Variants in TLN2 observed in about 807,000 individuals in gnomAD.
TLN2 encodes the protein talin-2.
Under a neutral mutation model 294.7 loss-of-function variants are expected in TLN2, and 118 were observed. That is an observed-to-expected ratio of 0.40 (90% CI 0.34 to 0.47). The LOEUF is 0.47. Ranked by LOEUF, TLN2 falls within the 20% of genes least tolerant of loss-of-function variation. The pLI, the probability that TLN2 is intolerant of heterozygous loss-of-function variation, is 0.84. For missense variants in TLN2, 3,083 were observed against 3,282.2 expected, an observed-to-expected ratio of 0.94 and a Z score of 1.48; for synonymous variants, 1,431 against 1,304.5, an observed-to-expected ratio of 1.10 and a Z score of -2.09.
chr15:62,579,665 G>A (rs898447453), intron 1 of TLN2, among the ~76,000 whole-genome samples: 6 of 152,126 alleles, frequency 3.9e-5, no homozygotes, highest in African/African-American at 1.4e-4. Context: ...TGAAGAGGAT[G>A]CCCCTCCTTC....
At position 62,570,903 on chromosome 15, in the gene TLN2, CTGTGTGTGTGTGTGTGTGTGTG is replaced by C. The variant is rs58523803; in HGVS notation, c.-237-18764_-237-18743del. Among the ~76,000 whole-genome samples the C allele has an allele frequency of 2.0e-4, 29 of 143,918 alleles. 1 individual carries two copies. The highest frequency in any genetic ancestry group is 1.8e-3 in the Admixed American group (26 of 14,386). The allele number at this position is 143,918 out of a possible 152,430, so 94.4% of individuals were successfully genotyped here. ...GGAAGAAGCTTCCATGCACAGGCAT[CTGTGTGTGTGTGTGTGTGTGTG>C]TGTGTGTGTGTGTGTGTGTAGGGAG... On this transcript the variant is annotated intron_variant, in intron 1 of 58. Coordinates refer to ENST00000636159, the MANE Select transcript of TLN2 (RefSeq NM_015059.3).
intron 1 of TLN2, among the ~76,000 whole-genome samples, chr15:62,432,433 G>A (rs1340560922): frequency 6.6e-6 from 1 of 152,144 alleles, no homozygotes; most frequent in African/African-American, 2.4e-5. Flanking sequence ...ACTCCTGCAA[G>A]TGCTTTTATA....
At chr15:62,589,280 G>A (rs549172174) in intron 1 of TLN2, among the ~76,000 whole-genome samples, 2 of 152,280 alleles carry the variant, frequency 1.3e-5, no homozygotes, top group Admixed American at 6.5e-5. Flanking sequence ...TGTTAGAGGA[G>A]CTAAATAGGA....
At chr15:62,539,562 C>T (rs1396588616) in intron 1 of TLN2, among the ~76,000 whole-genome samples, 2 of 152,276 alleles carry the variant, frequency 1.3e-5, no homozygotes, top group Admixed American at 1.3e-4. Flanking sequence ...AGGGCATCAG[C>T]AGAGGGAGTG....
At chr15:62,779,240 C>T (rs1198994456) in intron 43 of TLN2, among the ~76,000 whole-genome samples, 1 of 152,124 alleles carries the variant, frequency 6.6e-6, no homozygotes, top group South Asian at 2.1e-4. Flanking sequence ...TCCGGGTGAC[C>T]TTGGACAGGA....
chr15:62,705,251 C>T (rs1245023992), intron 19 of TLN2, among the ~76,000 whole-genome samples: 1 of 152,130 alleles, frequency 6.6e-6, no homozygotes, highest in Non-Finnish European at 1.5e-5. Flanking sequence ...AGGTAAAGAC[C>T]AGGGCAGTAA....
intron 2 of TLN2, among the ~76,000 whole-genome samples, chr15:62,603,435 T>TAG (rs141901652): frequency 0.092 from 13,770 of 149,400 alleles, 798 homozygotes; most frequent in East Asian, 0.16. Flanking sequence ...TGTAGTGGCA[T>TAG]AGAGAGAGAG....
At chr15:62,542,128 CT>C (rs1165091415) in intron 1 of TLN2, among the ~76,000 whole-genome samples, 1 of 152,074 alleles carries the variant, frequency 6.6e-6, no homozygotes, top group Non-Finnish European at 1.5e-5. Flanking sequence ...TTCATTTTTA[CT>C]TTTTCAAAAT....
intron 1 of TLN2, among the ~76,000 whole-genome samples, chr15:62,523,311 C>T (rs146100055): frequency 1.9e-4 from 29 of 152,312 alleles, no homozygotes; most frequent in African/African-American, 6.5e-4. Context: ...TGGTGGTGTT[C>T]TCCTGCACTT....
At position 62,761,647 on chromosome 15, in the gene TLN2, A is replaced by C. The variant is rs188542210; in HGVS notation, c.4639-34A>C. 1.2e-4 allele frequency: 193 copies of C among 1,613,630 alleles called. 1 individual carries two copies. The African/African-American group carries it at 2.2e-3, about 19-fold the overall frequency. ...GGTTCAGAAATAATTTGTGCTTCTCAATTGGGCAGAATCTCCCTGTTTTCT... is the reference window on the plus strand; with the variant it reads ...GGTTCAGAAATAATTTGTGCTTCTCCATTGGGCAGAATCTCCCTGTTTTCT... On this transcript the variant is annotated intron_variant, in intron 37 of 58. Coordinates refer to ENST00000636159, the MANE Select transcript of TLN2 (RefSeq NM_015059.3).
At chr15:62,710,583 C>G (rs2059360515) in intron 21 of TLN2, among the ~76,000 whole-genome samples, 1 of 152,122 alleles carries the variant, frequency 6.6e-6, no homozygotes, top group Non-Finnish European at 1.5e-5. Flanking sequence ...ATACCTTTCC[C>G]AGTTTCTCCA....
At chr15:62,538,365 C>T (rs915044085) in intron 1 of TLN2, among the ~76,000 whole-genome samples, 2 of 152,090 alleles carry the variant, frequency 1.3e-5, no homozygotes, top group Non-Finnish European at 2.9e-5. Context: ...GCCTATTAGC[C>T]CTAATTCTTA....
intron 1 of TLN2, among the ~76,000 whole-genome samples, chr15:62,545,832 G>T (rs2041966448): frequency 6.6e-6 from 1 of 152,138 alleles, no homozygotes; most frequent in Non-Finnish European, 1.5e-5. Flanking sequence ...TGGATATCCG[G>T]AATATCAAAC....
intron 1 of TLN2, among the ~76,000 whole-genome samples, chr15:62,470,996 C>T (rs549160443): frequency 4.6e-5 from 7 of 152,300 alleles, no homozygotes; most frequent in East Asian, 1.9e-4. Context: ...ATATCTGACA[C>T]AACATGATAA....
At chr15:62,601,213 A>G (rs1215147116) in intron 2 of TLN2, among the ~76,000 whole-genome samples, 2 of 152,070 alleles carry the variant, frequency 1.3e-5, no homozygotes, top group African/African-American at 4.8e-5. Context: ...CAACTGGGGG[A>G]TGCTACTGAG....
chr15:62,630,788 G>A (rs1161239221), intron 3 of TLN2, among the ~76,000 whole-genome samples: 1 of 151,934 alleles, frequency 6.6e-6, no homozygotes, highest in Non-Finnish European at 1.5e-5. Context: ...AACATTTCAG[G>A]GGTGATGGAG....
At chr15:62,620,943 G>A (rs2048766042) in intron 3 of TLN2, among the ~76,000 whole-genome samples, 1 of 137,750 alleles carries the variant, frequency 7.3e-6, no homozygotes, top group Non-Finnish European at 1.5e-5. Context: ...GGTTCACACT[G>A]TTCTCCTGCC....
At chr15:62,504,651 G>A (rs1227468284) in intron 1 of TLN2, among the ~76,000 whole-genome samples, 1 of 152,176 alleles carries the variant, frequency 6.6e-6, no homozygotes. Flanking sequence ...TGATCCTTAG[G>A]TTACACCACA....
chr15:62,615,770 T>C (rs2048264696), intron 2 of TLN2, among the ~76,000 whole-genome samples: 1 of 152,092 alleles, frequency 6.6e-6, no homozygotes, highest in Non-Finnish European at 1.5e-5. Context: ...ATCAAAGGAG[T>C]CTCATCATAT....
Sources: allele counts gnomAD v4.1 joint callset (sites outside exome capture counted in the v4.1 genomes callset), GRCh38; gene constraint gnomAD v4.1.1; transcripts MANE v1.5; gene names NCBI Gene and HGNC (gene_info 2026-07-23, HGNC 2026-07-21).